KCNT2: variants seen among roughly 807,000 people sequenced by gnomAD.
KCNT2 encodes potassium sodium-activated channel subfamily T member 2, also known as potassium channel subfamily T member 2.
A neutral mutation model predicts 153.8 loss-of-function variants in KCNT2; 67 were observed. That is an observed-to-expected ratio of 0.44 (90% CI 0.36 to 0.53). KCNT2 has a LOEUF of 0.53. Ranked by LOEUF, KCNT2 falls within the 20% of genes least tolerant of loss-of-function variation. The probability of loss-of-function intolerance (pLI) is 0.00; values close to 1 mark genes in which losing one functional copy is unlikely to be tolerated. For synonymous variants in KCNT2, 500 were observed against 458.8 expected (o/e 1.09, Z -1.15); for missense variants, 975 against 1,354.8 (o/e 0.72, Z 4.40).
intron 3 of KCNT2, among the ~76,000 whole-genome samples, chr1:196,484,685 C>T (rs575407005): frequency 6.6e-6 from 1 of 152,036 alleles, no homozygotes; most frequent in Non-Finnish European, 1.5e-5. Context: ...TTTAACCCAT[C>T]TTGAGTTAAT....
chr1:196,238,457 A>G (rs1335402319), intron 26 of KCNT2, among the ~76,000 whole-genome samples: 2 of 152,036 alleles, frequency 1.3e-5, no homozygotes, highest in Admixed American at 1.3e-4. Context: ...ATCAAGACGT[A>G]GAAAGCATCA....
chr1:196,498,954 T>C (rs535681285), intron 1 of KCNT2, among the ~76,000 whole-genome samples: 203 of 152,288 alleles, frequency 1.3e-3, no homozygotes, highest in African/African-American at 4.5e-3. Context: ...GGGAATGAGG[T>C]CATTGCAGAT....
At chr1:196,518,891 A>T (rs1447481958) in intron 1 of KCNT2, among the ~76,000 whole-genome samples, 2 of 152,224 alleles carry the variant, frequency 1.3e-5, no homozygotes, top group Non-Finnish European at 2.9e-5. Flanking sequence ...AGTGAGGAAG[A>T]AAATTAACAA....
chr1:196,465,970 T>C (rs1186290036), intron 7 of KCNT2, among the ~76,000 whole-genome samples: 2 of 152,086 alleles, frequency 1.3e-5, no homozygotes, highest in Non-Finnish European at 2.9e-5. Flanking sequence ...TAACCAGAAC[T>C]GTTATGAAGA....
intron 5 of KCNT2, among the ~76,000 whole-genome samples, chr1:196,474,126 A>T (rs751988886): frequency 1.3e-5 from 2 of 152,130 alleles, no homozygotes; most frequent in Non-Finnish European, 2.9e-5. Context: ...TTTAACCAAT[A>T]ATAATGCAGA....
At chr1:196,577,372 T>G (rs1387920014) in intron 1 of KCNT2, among the ~76,000 whole-genome samples, 2 of 151,990 alleles carry the variant, frequency 1.3e-5, no homozygotes, top group African/African-American at 4.8e-5. Context: ...TTTGAGAAAA[T>G]TTCCCACAGT....
Position 196,326,784 on chromosome 1 carries a change from C to G in KCNT2, c.2209G>C (p.Val737Leu), listed in dbSNP as rs41304558. ...TAGNGLYNFI[V>L]PLRAYYRPKK... is the part of the protein sequence containing the mutation. ...GGTCTATAATATGCCCTGAGAGGAA[C>G]AATAAAGTTATATAATCCATTTCCA... is the stretch of plus-strand genomic sequence containing the variant. The change falls in exon 19 of 28, where the codon GTT becomes CTT. Residue 737 changes from valine (V) to leucine (L), a missense_variant. Val to Leu is a conservative substitution (Grantham distance 32). Transcript: ENST00000294725. The G allele has an allele frequency of 2.5e-3, 4,000 of 1,582,586 alleles. 15 individuals carry two copies. Among genetic ancestry groups the G allele is most frequent in the Non-Finnish European group, 3.1e-3 (3,646 of 1,166,346 alleles).
chr1:196,474,245 A>G (rs962883565), intron 5 of KCNT2, among the ~76,000 whole-genome samples: 2 of 152,166 alleles, frequency 1.3e-5, no homozygotes, highest in Non-Finnish European at 2.9e-5. Flanking sequence ...TAAAAATTAT[A>G]TTAGTTATAG....
intron 1 of KCNT2, among the ~76,000 whole-genome samples, chr1:196,599,596 T>C (rs1323557101): frequency 1.3e-5 from 2 of 152,192 alleles, no homozygotes; most frequent in Non-Finnish European, 2.9e-5. Flanking sequence ...CTAAGACTAC[T>C]AAAGCACTGA....
intron 1 of KCNT2, among the ~76,000 whole-genome samples, chr1:196,606,291 C>G (rs764998140): frequency 3.3e-5 from 5 of 152,176 alleles, no homozygotes; most frequent in Non-Finnish European, 5.9e-5. Context: ...AGGACTGAAT[C>G]TGGGTTTCTC....
At chr1:196,592,451 ATATT>A (rs1663482667) in intron 1 of KCNT2, among the ~76,000 whole-genome samples, 1 of 148,162 alleles carries the variant, frequency 6.7e-6, no homozygotes, top group Non-Finnish European at 1.5e-5. Flanking sequence ...TTCTAACTGT[ATATT>A]TATATATTTA....
intron 14 of KCNT2, among the ~76,000 whole-genome samples, chr1:196,354,706 G>A (rs948702089): frequency 2.0e-5 from 3 of 151,564 alleles, no homozygotes; most frequent in African/African-American, 7.3e-5. Context: ...TGATTGCAAG[G>A]AGATTTTAAA....
At chr1:196,470,067 G>A (rs1677955469) in intron 5 of KCNT2, among the ~76,000 whole-genome samples, 4 of 152,176 alleles carry the variant, frequency 2.6e-5, no homozygotes, top group Admixed American at 1.3e-4. Flanking sequence ...AAGAAATTAA[G>A]TAATAGGTTT....
intron 1 of KCNT2, among the ~76,000 whole-genome samples, chr1:196,585,921 A>T (rs1662623818): frequency 6.6e-6 from 1 of 152,078 alleles, no homozygotes; most frequent in African/African-American, 2.4e-5. Flanking sequence ...TTTTTTATTA[A>T]ATGCACATAA....
intron 1 of KCNT2, among the ~76,000 whole-genome samples, chr1:196,593,598 C>T (rs1426819771): frequency 1.3e-5 from 2 of 151,532 alleles, no homozygotes; most frequent in Non-Finnish European, 2.9e-5. Context: ...GATGGATATC[C>T]CATTTTCCAT....
chr1:196,521,532 A>T (rs1376295273), intron 1 of KCNT2, among the ~76,000 whole-genome samples: 2 of 152,214 alleles, frequency 1.3e-5, no homozygotes, highest in African/African-American at 4.8e-5. Context: ...ACAATAGCAA[A>T]GGCATGGAAT....
intron 26 of KCNT2, among the ~76,000 whole-genome samples, chr1:196,246,917 G>A (rs570766945): frequency 7.4e-4 from 113 of 151,998 alleles, no homozygotes; most frequent in Admixed American, 3.2e-3. Context: ...AATAAATGTC[G>A]GAATAAGTTG....
At chr1:196,300,907 C>A (rs1178463966) in intron 22 of KCNT2, among the ~76,000 whole-genome samples, 1 of 152,004 alleles carries the variant, frequency 6.6e-6, no homozygotes, top group Admixed American at 6.6e-5. Context: ...GAATAAGAAG[C>A]CTCTCAAGAT....
intron 21 of KCNT2, among the ~76,000 whole-genome samples, chr1:196,308,826 A>G (rs1012339657): frequency 2.6e-5 from 4 of 152,052 alleles, no homozygotes; most frequent in Non-Finnish European, 5.9e-5. Flanking sequence ...TAAATTATTA[A>G]CAATATCTAG....
Sources: allele counts gnomAD v4.1 joint callset (sites outside exome capture counted in the v4.1 genomes callset), GRCh38; gene constraint gnomAD v4.1.1; transcripts MANE v1.5; gene names NCBI Gene and HGNC (gene_info 2026-07-23, HGNC 2026-07-21).